The following MYBPC2 variants were observed in gnomAD, a reference collection of about 807,000 sequenced individuals.
The protein encoded by MYBPC2 is myosin-binding protein C, fast-type.
A neutral mutation model predicts 137.0 loss-of-function variants in MYBPC2; 122 were observed. The observed-to-expected ratio is 0.89, with a 90% CI of 0.77 to 1.03. The LOEUF (loss-of-function observed/expected upper bound fraction) is 1.03. Ranked by LOEUF, MYBPC2 falls within the 50% of genes least tolerant of loss-of-function variation. The pLI, the probability that MYBPC2 is intolerant of heterozygous loss-of-function variation, is 0.00. For synonymous variants in MYBPC2, 626 were observed against 612.3 expected (o/e 1.02, Z -0.33); for missense variants, 1,500 against 1,534.4 (o/e 0.98, Z 0.37).
chr19:50,457,864 G>C (rs976288438), intron 20 of MYBPC2, among the ~76,000 whole-genome samples: 4 of 150,894 alleles, frequency 2.7e-5, no homozygotes, highest in Non-Finnish European at 5.9e-5. Context: ...GTTTTTAATA[G>C]AGACAGGGTT....
rs1189496168 is a variant in MYBPC2 at position 50,464,329 on chromosome 19, C to A, written c.3229-17C>A. ...GTCTCTCTCTAAGTTGGCCTCCTCTCCCTTGACTCTCAACAGCCGAAGGTG... is the reference window on the plus strand; with the variant it reads ...GTCTCTCTCTAAGTTGGCCTCCTCTACCTTGACTCTCAACAGCCGAAGGTG... On this transcript the variant is annotated splice_polypyrimidine_tract_variant and intron_variant, in intron 26 of 27. Transcript: ENST00000357701. 1.3e-6 allele frequency: 2 copies of A among 1,593,354 alleles called. No homozygotes were observed. The highest frequency in any genetic ancestry group is 1.3e-5 in the African/African-American group (1 of 74,578).
intron 13 of MYBPC2, among the ~76,000 whole-genome samples, chr19:50,449,549 G>A (rs1302665376): frequency 6.6e-6 from 1 of 152,250 alleles, no homozygotes; most frequent in Non-Finnish European, 1.5e-5. Flanking sequence ...GTCAAGGGCT[G>A]GGAAGCAGAT....
rs754661599 is a variant in MYBPC2 at position 50,448,221 on chromosome 19, C to T, written c.1307-4C>T. ...CGGCTCCTTGTCTTTCTCTCCCTGA[C>T]CAGAGAAACAGCTGGAGGTCCTGCA... On this transcript the variant is annotated splice_region_variant and splice_polypyrimidine_tract_variant and intron_variant, in intron 12 of 27. Transcript: ENST00000357701. The T allele has an allele frequency of 6.2e-7, 1 of 1,612,620 alleles. No homozygotes were observed. Among genetic ancestry groups the T allele is most frequent in the Non-Finnish European group, 8.5e-7 (1 of 1,179,140 alleles).
At chr19:50,438,935 T>G (rs982655534) in intron 7 of MYBPC2, among the ~76,000 whole-genome samples, 11 of 152,116 alleles carry the variant, frequency 7.2e-5, no homozygotes, top group Non-Finnish European at 1.0e-4. Context: ...CTTATCCATC[T>G]TCACTTGCCC....
Position 50,435,131 on chromosome 19 carries a change from G to A in MYBPC2, c.20-30G>A. ...AGGGGCATGGGTGTGCAGACCGCAT[G>A]CTCAACTATGACTGTCCCCTACCTT... On this transcript the variant is annotated intron_variant, in intron 1 of 27. Transcript: ENST00000357701. This position sits in a 1 kb window ranked among gnomAD's most constrained non-coding sequence, Gnocchi z 4.8. 3 of 902,534 alleles carry A rather than the reference G, an allele frequency of 3.3e-6. No homozygotes were observed. The highest frequency in any genetic ancestry group is 5.0e-5 in the East Asian group (2 of 39,760). The allele number at this position is 902,534 out of a possible 1,614,324, so 55.9% of individuals were successfully genotyped here. A position where few individuals can be genotyped will look rare whatever the true frequency, so the allele number is the denominator to read the frequency against.
At position 50,461,954 on chromosome 19, in the gene MYBPC2, A is replaced by G. The variant is rs747255080; in HGVS notation, c.3146A>G (p.Lys1049Arg). The G allele has an allele frequency of 1.9e-6, 3 of 1,589,278 alleles. No individual in the cohort carries two copies. Among genetic ancestry groups the G allele is most frequent in the Non-Finnish European group, 2.6e-6 (3 of 1,167,234 alleles). The change falls in exon 26 of 28, where the codon AAG (lysine) becomes AGG (arginine). Residue 1049 changes from lysine (K) to arginine (R), a missense_variant. By Grantham distance (26) the Lys-to-Arg change is conservative. Coordinates refer to ENST00000357701, the MANE Select transcript of MYBPC2 (RefSeq NM_004533.4). ...GAGCATGACTTCCGGATGGCTCCCA[A>G]GTTCCTGACACCTCTCATAGACCGC... is the stretch of plus-strand genomic sequence containing the variant. Reference protein sequence around the residue: ...YKEHDFRMAPKFLTPLIDRVV... With the variant: ...YKEHDFRMAPRFLTPLIDRVV...
At chr19:50,452,720 G>A (rs371056997) in intron 16 of MYBPC2, among the ~76,000 whole-genome samples, 5 of 152,132 alleles carry the variant, frequency 3.3e-5, no homozygotes, top group African/African-American at 7.2e-5. Flanking sequence ...ACCATGCCTC[G>A]CTAATTTTTT....
Position 50,461,999 on chromosome 19 carries a change from C to A in MYBPC2, c.3191C>A (p.Ser1064Ter). The A allele has an allele frequency of 3.8e-6, 6 of 1,573,284 alleles. No individual in the cohort carries two copies. The highest frequency in any genetic ancestry group is 5.2e-6 in the Non-Finnish European group (6 of 1,159,296). Reference sequence around the variant, plus strand: ...GACCGCGTGGTCGTGGCTGGGTACTCGGCAGCCCTCAACTGTGCTGTCAGA... The same window carrying A: ...GACCGCGTGGTCGTGGCTGGGTACTAGGCAGCCCTCAACTGTGCTGTCAGA... ...LIDRVVVAGYSAALNCAVRGH... is the reference protein window; with the variant it reads ...LIDRVVVAGY The change falls in exon 26 of 28, where the codon TCG becomes TAG. Residue 1064 changes from serine to a stop codon, truncating the protein, a stop_gained. Coordinates refer to ENST00000357701, the MANE Select transcript of MYBPC2 (RefSeq NM_004533.4). LOFTEE classifies it high-confidence loss of function.
At chr19:50,453,908 T>C (rs1307290421) in intron 16 of MYBPC2, 112 bp from the exon 17 acceptor site, 1 of 1,237,668 alleles carries the variant, frequency 8.1e-7, no homozygotes, top group Non-Finnish European at 1.1e-6. Context: ...GTGAGGACTC[T>C]GTGTGTTGAT....
chr19:50,462,431 G>A (rs1442719053), intron 26 of MYBPC2, among the ~76,000 whole-genome samples: 1 of 151,902 alleles, frequency 6.6e-6, no homozygotes, highest in African/African-American at 2.4e-5. Flanking sequence ...TGATTCTCCC[G>A]CCTCGGCCTC....
rs1416134927 is a variant in MYBPC2 at position 50,432,957 on chromosome 19, C to G, written c.4C>G (p.Pro2Ala). Residue 2 changes from proline to alanine, a missense_variant, in exon 1 of 28, where the codon CCT becomes GCT. Pro to Ala is a conservative substitution (Grantham distance 27). Coordinates refer to ENST00000357701, the MANE Select transcript of MYBPC2 (RefSeq NM_004533.4). The surrounding 1 kb of genome is among the most constrained non-coding windows in gnomAD (Gnocchi z 5.5). Reference protein sequence around the residue: MPEAKPAAKKAP... With the variant: MAEAKPAAKKAP... ...GAGCAGGAGGAGGTCCCCCGACATGCCTGAGGCAAAACCAGGTGGCGCCAG... is the reference window on the plus strand; with the variant it reads ...GAGCAGGAGGAGGTCCCCCGACATGGCTGAGGCAAAACCAGGTGGCGCCAG... 3.1e-6 allele frequency: 5 copies of G among 1,606,370 alleles called. No homozygotes were observed. The highest frequency in any genetic ancestry group is 1.1e-5 in the South Asian group (1 of 90,100).
rs2040013818 is a variant in MYBPC2, at chr19:50,466,115, G to A, written c.3416-80G>A. The A allele has an allele frequency of 6.3e-7, 1 of 1,595,030 alleles. No individual in the cohort carries two copies. Among genetic ancestry groups the A allele is most frequent in the Non-Finnish European group, 8.6e-7 (1 of 1,169,074 alleles). On this transcript the variant is annotated intron_variant, in intron 27 of 27. Coordinates refer to ENST00000357701, the MANE Select transcript of MYBPC2 (RefSeq NM_004533.4). The surrounding 1 kb of genome is among the most constrained non-coding windows in gnomAD (Gnocchi z 4.9). ...GTCATCCTGTCCCCCTGCTGGTCAT[G>A]TGGATGCAGCTCCTCCTCCTGGGGC... is the stretch of plus-strand genomic sequence containing the variant.
intron 16 of MYBPC2, among the ~76,000 whole-genome samples, chr19:50,453,324 G>T (rs979936735): frequency 1.3e-5 from 2 of 152,128 alleles, no homozygotes; most frequent in Admixed American, 1.3e-4. Context: ...CTCTGGCTGA[G>T]ATAAAGGGAG....
At position 50,446,996 on chromosome 19, in the gene MYBPC2, A is replaced by C. The variant is rs868798827; in HGVS notation, c.1306+944A>C. ...AGCAAGACTCCGTCTTAAAAAAAAA[A>C]AAAAAAAAATCTGAAACCAACCACA... On this transcript the variant is annotated intron_variant, in intron 12 of 27. Coordinates refer to ENST00000357701, the MANE Select transcript of MYBPC2 (RefSeq NM_004533.4). Among the ~76,000 whole-genome samples the C allele has an allele frequency of 6.1e-3, 929 of 151,234 alleles. 10 individuals carry two copies. The highest frequency in any genetic ancestry group is 0.01 in the Non-Finnish European group (696 of 67,806).
At chr19:50,445,048 C>T (rs962470677) in intron 11 of MYBPC2, among the ~76,000 whole-genome samples, 3 of 151,996 alleles carry the variant, frequency 2.0e-5, no homozygotes, top group African/African-American at 7.3e-5. Context: ...ATAAAAGTTC[C>T]ATTTTGAGAC....
intron 20 of MYBPC2, 75 bp downstream of exon 20, chr19:50,455,719 G>A (rs940245961): frequency 1.3e-6 from 2 of 1,568,276 alleles, no homozygotes; most frequent in South Asian, 1.2e-5. Context: ...GCTGAAAATA[G>A]GACCATGTGG....
In MYBPC2 at chr19:50,464,386, A is replaced by C; in HGVS notation, c.3269A>C (p.Glu1090Ala). 1.9e-6 allele frequency: 3 copies of C among 1,610,914 alleles called. No individual in the cohort carries two copies. Among genetic ancestry groups the C allele is most frequent in the Non-Finnish European group, 2.5e-6 (3 of 1,178,742 alleles). Reference protein sequence around the residue: ...VWMKNKMEIREDPKFLITNYQ... With the variant: ...VWMKNKMEIRADPKFLITNYQ... ...ATGAAGAACAAGATGGAAATCCGTG[A>C]AGATCCCAAGTTCCTGATAACCAAT... The change falls in exon 27 of 28, where the codon GAA (glutamate) becomes GCA (alanine). Residue 1090 changes from glutamate (E) to alanine (A), a missense_variant. Physicochemically the swap from Glu to Ala is moderately radical, Grantham distance 107. Transcript: ENST00000357701.
chr19:50,457,260 C>T (rs764525797), intron 20 of MYBPC2, among the ~76,000 whole-genome samples: 3 of 152,190 alleles, frequency 2.0e-5, no homozygotes, highest in African/African-American at 4.8e-5. Flanking sequence ...CCTCCCTGGC[C>T]GGCTGCTCCC....
Position 50,441,026 on chromosome 19 carries a change from G to C in MYBPC2, c.719G>C (p.Gly240Ala). 6.2e-7 allele frequency: 1 copy of C among 1,608,278 alleles called. No homozygotes were observed. The highest frequency in any genetic ancestry group is 8.5e-7 in the Non-Finnish European group (1 of 1,177,310). ...AFQYGITDLRGMLKRLKKAKV... is the reference protein window; with the variant it reads ...AFQYGITDLRAMLKRLKKAKV... ...CAGTATGGCATCACCGACCTCCGGG[G>C]CATGCTGAAGCGGCTGAAAAAGGCT... The change falls in exon 8 of 28, where the codon GGC becomes GCC. Residue 240 changes from glycine (G) to alanine (A), a missense_variant. Physicochemically the swap from Gly to Ala is moderately conservative, Grantham distance 60. Coordinates refer to ENST00000357701, the MANE Select transcript of MYBPC2 (RefSeq NM_004533.4).
Sources: allele counts gnomAD v4.1 joint callset (sites outside exome capture counted in the v4.1 genomes callset), GRCh38; gene constraint gnomAD v4.1.1; non-coding constraint Gnocchi (gnomAD v3.1); transcripts MANE v1.5; gene names NCBI Gene and HGNC (gene_info 2026-07-23, HGNC 2026-07-21).